PARP4: variants seen among roughly 807,000 people sequenced by gnomAD.
PARP4 encodes protein mono-ADP-ribosyltransferase PARP4.
In PARP4, 120 loss-of-function variants were observed where a neutral mutation model predicts 187.7. The ratio of observed to expected loss-of-function variants is 0.64; its 90% CI spans 0.55 to 0.74. The LOEUF (loss-of-function observed/expected upper bound fraction) is 0.74, where lower values mean the gene tolerates loss of function less well. Ranked by LOEUF, PARP4 falls within the 30% of genes least tolerant of loss-of-function variation. The pLI is 0.00. For synonymous variants in PARP4, 654 were observed against 740.9 expected (o/e 0.88, Z 1.90); for missense variants, 1,836 against 2,070.5 (o/e 0.89, Z 2.20).
intron 30 of PARP4, among the ~76,000 whole-genome samples, chr13:24,438,321 T>C (rs1305446366): frequency 1.3e-5 from 2 of 152,212 alleles, no homozygotes; most frequent in Non-Finnish European, 2.9e-5. Context: ...GAGAATCTAC[T>C]GCCGCTGCTG....
In PARP4 at chr13:24,461,692, T is replaced by A. The variant is rs1327109843; in HGVS notation, c.2134-1556A>T. ...GGAGACCAAGGGGAGCACCTCTCCG[T>A]GGAGCAGGTGTGTGGGAGGTGCTGG... On this transcript the variant is annotated intron_variant, in intron 17 of 33. Coordinates refer to ENST00000381989, the MANE Select transcript of PARP4 (RefSeq NM_006437.4). Among the ~76,000 whole-genome samples the A allele has an allele frequency of 2.0e-5, 3 of 152,262 alleles. No homozygotes were observed. In the East Asian group the frequency reaches 5.8e-4, roughly 29 times the overall value.
At chr13:24,504,307 C>CCT (rs11455232) in intron 1 of PARP4, among the ~76,000 whole-genome samples, 1 of 87,356 alleles carries the variant, frequency 1.1e-5, no homozygotes, top group Non-Finnish European at 2.0e-5. Context: ...CATTTAGGTT[C>CCT]TTTTTTTTTT....
chr13:24,469,052 C>T lies in PARP4; in HGVS notation c.2105G>A (p.Gly702Asp). 6.2e-7 allele frequency: 1 copy of T among 1,613,876 alleles called. No homozygotes were observed. Among genetic ancestry groups the T allele is most frequent in the South Asian group, 1.1e-5 (1 of 91,074 alleles). The change falls in exon 17 of 34, where the codon GGC becomes GAC. Residue 702 changes from glycine (G) to aspartate (D), a missense_variant. Transcript: ENST00000381989. Reference sequence around the variant, plus strand: ...AGCATCCTGACTCATCAGGTAAGCGCCATGGCCCTGGGTCACGGCTTCTAG... The same window carrying T: ...AGCATCCTGACTCATCAGGTAAGCGTCATGGCCCTGGGTCACGGCTTCTAG... The part of the protein sequence containing the change: ...EYLEAVTQGH[G>D]AYLMSQDAPD...
chr13:24,467,846 A>C (rs1370625058), intron 17 of PARP4, among the ~76,000 whole-genome samples: 1 of 152,204 alleles, frequency 6.6e-6, no homozygotes, highest in Non-Finnish European at 1.5e-5. Context: ...ACCTGATAAT[A>C]TTAAGTGGCA....
chr13:24,497,954 A>ATC (rs781495821), intron 6 of PARP4, among the ~76,000 whole-genome samples, 162 bp downstream of exon 6: 4 of 152,342 alleles, frequency 2.6e-5, no homozygotes, highest in East Asian at 3.9e-4. Flanking sequence ...GCACTGTGAG[A>ATC]AATAAATGTT....
intron 22 of PARP4, among the ~76,000 whole-genome samples, chr13:24,454,362 G>A (rs552502805): frequency 1.3e-5 from 2 of 152,242 alleles, no homozygotes; most frequent in African/African-American, 4.8e-5. Context: ...AAAGGGGCTG[G>A]GTCTTCTGCT....
At chr13:24,437,306 G>A (rs1870682749) in intron 30 of PARP4, among the ~76,000 whole-genome samples, 1 of 151,950 alleles carries the variant, frequency 6.6e-6, no homozygotes. Context: ...CTCTGACTAG[G>A]AAAGGTATTT....
intron 15 of PARP4, among the ~76,000 whole-genome samples, chr13:24,473,885 G>A (rs909668910): frequency 6.6e-6 from 1 of 152,100 alleles, no homozygotes; most frequent in African/African-American, 2.4e-5. Flanking sequence ...GGTCTCTGTG[G>A]CTGACTCAGC....
intron 24 of PARP4, among the ~76,000 whole-genome samples, chr13:24,451,377 AGAGCCAGGAGCTGT>A (rs1280175699): frequency 6.6e-6 from 1 of 152,244 alleles, no homozygotes; most frequent in East Asian, 1.9e-4. Context: ...TACAGAGAAC[AGAGCCAGGAGCTGT>A]GACAGTGGAG....
rs1256756745 is a variant in PARP4 at position 24,421,086 on chromosome 13, A to T, written c.*33T>A. On this transcript the variant is annotated 3_prime_UTR_variant, in exon 34 of 34. Coordinates refer to ENST00000381989, the MANE Select transcript of PARP4 (RefSeq NM_006437.4). The stretch of plus-strand genomic sequence containing the variant: ...ATTTGATTATTTTCTACATAGAAGC[A>T]TGCAAAAAGTTTAAAATTCAGTTTC... 1.2e-4 allele frequency: 127 copies of T among 1,093,828 alleles called. No individual in the cohort carries two copies. Among genetic ancestry groups the T allele is most frequent in the Non-Finnish European group, 1.6e-4 (122 of 772,948 alleles). The allele number at this position is 1,093,828 out of a possible 1,614,324, so 67.8% of individuals were successfully genotyped here. A position where few individuals can be genotyped will look rare whatever the true frequency, so the allele number is the denominator to read the frequency against.
At chr13:24,495,038 AT>A (rs941476637) in intron 6 of PARP4, among the ~76,000 whole-genome samples, 1 of 151,658 alleles carries the variant, frequency 6.6e-6, no homozygotes, top group African/African-American at 2.4e-5. Context: ...CACCTGGCTA[AT>A]TTTTTTTGTA....
At chr13:24,506,962 A>T (rs148623296) in intron 1 of PARP4, among the ~76,000 whole-genome samples, 1,623 of 152,302 alleles carry the variant, frequency 0.011, 20 homozygotes, top group Middle Eastern at 0.058. Context: ...GCGGGGAGGC[A>T]GCTAAGGCTC....
intron 24 of PARP4, among the ~76,000 whole-genome samples, chr13:24,451,728 T>C (rs899895205): frequency 1.3e-5 from 2 of 152,198 alleles, no homozygotes; most frequent in Non-Finnish European, 2.9e-5. Flanking sequence ...GCAAGTCCTA[T>C]GCAGACACCA....
At chr13:24,503,573 C>T in intron 2 of PARP4, 72 bp downstream of exon 2, 5 of 1,547,576 alleles carry the variant, frequency 3.2e-6, no homozygotes, top group Non-Finnish European at 4.4e-6. Flanking sequence ...TCTGCTTCCT[C>T]TTCTAACCAT....
chr13:24,505,634 T>G (rs1319975796), intron 1 of PARP4, among the ~76,000 whole-genome samples: 1 of 152,186 alleles, frequency 6.6e-6, no homozygotes, highest in East Asian at 1.9e-4. Flanking sequence ...GTTCAAGCAA[T>G]TCTCCTGCCT....
intron 12 of PARP4, among the ~76,000 whole-genome samples, chr13:24,481,162 G>A (rs1873257287): frequency 6.6e-6 from 1 of 152,222 alleles, no homozygotes; most frequent in Non-Finnish European, 1.5e-5. Context: ...AAACCTGGAT[G>A]ACAGCACATC....
Position 24,431,503 on chromosome 13 carries a change from G to C in PARP4, c.4747-27C>G, listed in dbSNP as rs776161455. 5 of 1,400,788 alleles carry C rather than the reference G, an allele frequency of 3.6e-6. No individual in the cohort carries two copies. In the South Asian group the frequency reaches 6.0e-5, roughly 17 times the overall value. The allele number at this position is 1,400,788 out of a possible 1,614,324, so 86.8% of individuals were successfully genotyped here. On this transcript the variant is annotated intron_variant, in intron 31 of 33. Transcript: ENST00000381989. ...TACAAAATTAAGGAAACAAAAATAA[G>C]TTATGTTATTCACATTTTATCACAT...
At chr13:24,461,145 T>C (rs1026139781) in intron 17 of PARP4, among the ~76,000 whole-genome samples, 15 of 152,222 alleles carry the variant, frequency 9.9e-5, no homozygotes, top group Admixed American at 2.0e-4. Flanking sequence ...ACCATTCTAG[T>C]TGACCACCCC....
chr13:24,506,405 G>C (rs547121904), intron 1 of PARP4, among the ~76,000 whole-genome samples: 48 of 152,258 alleles, frequency 3.2e-4, no homozygotes, highest in Admixed American at 2.0e-3. Context: ...GAGGACCCCA[G>C]CAGGTTGCCA....
Sources: allele counts gnomAD v4.1 joint callset (sites outside exome capture counted in the v4.1 genomes callset), GRCh38; gene constraint gnomAD v4.1.1; transcripts MANE v1.5; gene names NCBI Gene and HGNC (gene_info 2026-07-23, HGNC 2026-07-21).